The following PIH1D1 variants were observed in gnomAD, a reference collection of about 807,000 sequenced individuals.
The protein encoded by PIH1D1 is PIH1 domain-containing protein 1.
A neutral mutation model predicts 38.5 loss-of-function variants in PIH1D1; 28 were observed. The ratio of observed to expected loss-of-function variants is 0.73; its 90% CI spans 0.54 to 1.00. The LOEUF is 1.00. Among genes scored for constraint, PIH1D1 ranks in the 50% least tolerant of loss-of-function variants. The probability of loss-of-function intolerance (pLI) is 0.00; values close to 1 mark genes in which losing one functional copy is unlikely to be tolerated. For missense variants in PIH1D1, 343 were observed against 369.9 expected, an observed-to-expected ratio of 0.93 and a Z score of 0.60; for synonymous variants, 155 against 153.5, an observed-to-expected ratio of 1.01 and a Z score of -0.07.
chr19:49,448,239 T>A (rs763551878), intron 3 of PIH1D1, 177 bp from the exon 4 acceptor site: 7 of 632,916 alleles, frequency 1.1e-5, no homozygotes, highest in African/African-American at 5.5e-5. Flanking sequence ...GCCTCCTCCC[T>A]GGCCTCTTAT....
chr19:49,446,464 G>T (rs750114523), intron 8 of PIH1D1, 41 bp from the exon 9 acceptor site: 1 of 1,378,336 alleles, frequency 7.3e-7, no homozygotes, highest in Non-Finnish European at 1.0e-6. Flanking sequence ...CCAGGACCCA[G>T]AAGTCCAGCT....
Position 49,448,079 on chromosome 19 carries a change from G to T in PIH1D1, c.338-17C>A, listed in dbSNP as rs369990368. On this transcript the variant is annotated splice_polypyrimidine_tract_variant and intron_variant, in intron 3 of 8. Transcript: ENST00000262265. ...CCTGGCCTTCTGCGGGGAGAAAAAGGGGGTGAGGACCCCCCAGCCCTCTGC... is the reference window on the plus strand; with the variant it reads ...CCTGGCCTTCTGCGGGGAGAAAAAGTGGGTGAGGACCCCCCAGCCCTCTGC... 4 of 1,613,904 alleles carry T rather than the reference G, an allele frequency of 2.5e-6. No homozygotes were observed. Among genetic ancestry groups the T allele is most frequent in the Non-Finnish European group, 3.4e-6 (4 of 1,179,872 alleles).
rs1253481237 is a variant in PIH1D1 at position 49,447,425 on chromosome 19, G to GA, written c.523dup (p.Ser175PhefsTer28). On this transcript the variant is annotated frameshift_variant, in exon 6 of 9. Coordinates refer to ENST00000262265, the MANE Select transcript of PIH1D1 (RefSeq NM_017916.3). LOFTEE classifies it high-confidence loss of function. ...CTGCTCCGAGCGGATGTTCTGCTGC[G>GA]AGATGGAGCCCATGAATGGCCGGTT... 1 of 1,612,494 alleles carries GA rather than the reference G, an allele frequency of 6.2e-7. No individual in the cohort carries two copies. The highest frequency in any genetic ancestry group is 8.5e-7 in the Non-Finnish European group (1 of 1,179,972).
At chr19:49,448,094 C>G in intron 3 of PIH1D1, 32 bp from the exon 4 acceptor site, 7 of 1,605,290 alleles carry the variant, frequency 4.4e-6, no homozygotes, top group Non-Finnish European at 6.0e-6. Context: ...GAGGACCCCC[C>G]AGCCCTCTGC....
intron 4 of PIH1D1, 27 bp from the exon 5 acceptor site, chr19:49,447,935 G>C (rs746564675): frequency 6.2e-7 from 1 of 1,613,830 alleles, no homozygotes; most frequent in African/African-American, 1.3e-5. Context: ...GGAAAAGACA[G>C]GCGGTGGCGG....
intron 1 of PIH1D1, 145 bp from the exon 2 acceptor site, chr19:49,450,993 C>A: frequency 2.0e-4 from 234 of 1,161,910 alleles, no homozygotes; most frequent in Non-Finnish European, 2.5e-4. Context: ...CCTTTGAGAA[C>A]TAGAAGAACA....
At chr19:49,447,763 A>G (rs1380549071) in intron 5 of PIH1D1, 64 bp downstream of exon 5, 2 of 1,508,968 alleles carry the variant, frequency 1.3e-6, no homozygotes. Flanking sequence ...CTCCTCTCCT[A>G]GGGGTGTTCC....
rs1401100855 is a variant in PIH1D1, at chr19:49,450,831, C to T, written c.108G>A (p.Gln36=). ...ELLLQASKEL[Q]QAQTTRPEST... ...ATTCTGGTCTGGTTGTCTGGGCTTG[C>T]TGGAGCTCCTTCGAGGCCTGTATAA... is the stretch of plus-strand genomic sequence containing the variant. Residue 36 remains glutamine (Q), a synonymous_variant, in exon 2 of 9, where the codon CAG becomes CAA. Coordinates refer to ENST00000262265, the MANE Select transcript of PIH1D1 (RefSeq NM_017916.3). 1 of 1,613,410 alleles carries T rather than the reference C, an allele frequency of 6.2e-7. No homozygotes were observed. The highest frequency in any genetic ancestry group is 8.5e-7 in the Non-Finnish European group (1 of 1,179,938).
In PIH1D1 at chr19:49,451,507, C is replaced by A. The variant is rs137934812; in HGVS notation, c.68G>T (p.Arg23Leu). The A allele has an allele frequency of 5.6e-5, 91 of 1,613,744 alleles. No homozygotes were observed. Among genetic ancestry groups the A allele is most frequent in the Non-Finnish European group, 7.5e-5 (88 of 1,179,986 alleles). Reference sequence around the variant, plus strand: ...CACCTGCAGCAGCAGCTCCTCAAATCGCGCCGAATCAGCACCGATCGCCTC... The same window carrying A: ...CACCTGCAGCAGCAGCTCCTCAAATAGCGCCGAATCAGCACCGATCGCCTC... ...EAEAIGADSA[R>L]FEELLLQASK... Residue 23 changes from arginine to leucine, a missense_variant, in exon 1 of 9, where the codon CGA becomes CTA. Coordinates refer to ENST00000262265, the MANE Select transcript of PIH1D1 (RefSeq NM_017916.3).
At chr19:49,451,293 T>C in intron 1 of PIH1D1, 192 bp downstream of exon 1, 1 of 678,072 alleles carries the variant, frequency 1.5e-6, no homozygotes, top group Non-Finnish European at 2.4e-6. Flanking sequence ...CCTCCCAAAG[T>C]GGTGGGATTA....
chr19:49,450,496 G>T (rs774912566), intron 2 of PIH1D1, among the ~76,000 whole-genome samples: 2 of 152,066 alleles, frequency 1.3e-5, no homozygotes, highest in Non-Finnish European at 2.9e-5. Context: ...TCCACCCACT[G>T]CAACTTCTGC....
chr19:49,446,302 G>A lies in PIH1D1; in HGVS notation c.*80C>T. 1 of 780,110 alleles carries A rather than the reference G, an allele frequency of 1.3e-6. No individual in the cohort carries two copies. Among genetic ancestry groups the A allele is most frequent in the Non-Finnish European group, 2.4e-6 (1 of 417,956 alleles). The allele number at this position is 780,110 out of a possible 1,614,324, so 48.3% of individuals were successfully genotyped here. A position where few individuals can be genotyped will look rare whatever the true frequency, so the allele number is the denominator to read the frequency against. ...TATCCCCAGTCAGAGACAGAACAAA[G>A]GCAAAAATCTTTTATTTCAACTTTT... On this transcript the variant is annotated 3_prime_UTR_variant, in exon 9 of 9. Transcript: ENST00000262265.
rs114377754 is a variant in PIH1D1 at position 49,446,484 on chromosome 19, C to T, written c.832-61G>A. On this transcript the variant is annotated intron_variant, in intron 8 of 8. Coordinates refer to ENST00000262265, the MANE Select transcript of PIH1D1 (RefSeq NM_017916.3). ...ACCCAGAAGTCCAGCTCCCAGCCCC[C>T]CTCCCTGGGAGACAGAGTCCAGGCC... is the stretch of plus-strand genomic sequence containing the variant. 5.4e-5 allele frequency: 82 copies of T among 1,524,958 alleles called. No individual in the cohort carries two copies. The African/African-American group carries it at 8.7e-4, about 16-fold the overall frequency. The allele number at this position is 1,524,958 out of a possible 1,614,324, so 94.5% of individuals were successfully genotyped here.
At chr19:49,449,309 G>A (rs1318219352) in intron 3 of PIH1D1, 166 bp downstream of exon 3, 1 of 748,234 alleles carries the variant, frequency 1.3e-6, no homozygotes. Flanking sequence ...GACTGCCCGG[G>A]TGTGGGATGT....
rs749515666 is a variant in PIH1D1, at chr19:49,449,636, T to C, written c.176A>G (p.Asn59Ser). 2 of 1,613,732 alleles carry C rather than the reference T, an allele frequency of 1.2e-6. No homozygotes were observed. The highest frequency in any genetic ancestry group is 1.3e-5 in the African/African-American group (1 of 74,920). Residue 59 changes from asparagine to serine, a missense_variant, in exon 3 of 9, where the codon AAC becomes AGC. Physicochemically the swap from Asn to Ser is conservative, Grantham distance 46. Transcript: ENST00000262265. ...QPQPGFCIKT[N>S]SSEGKVFINI... Reference sequence around the variant, plus strand: ...GATGAAAACCTTCCCTTCCGAGGAGTTGGTCTTTATGCAGAAACCTGGTGG... The same window carrying C: ...GATGAAAACCTTCCCTTCCGAGGAGCTGGTCTTTATGCAGAAACCTGGTGG...
Position 49,447,861 on chromosome 19 carries a change from G to A in PIH1D1, c.447C>T (p.Gly149=). The change falls in exon 5 of 9, where the codon GGC becomes GGT. Residue 149 remains glycine, a synonymous_variant. Coordinates refer to ENST00000262265, the MANE Select transcript of PIH1D1 (RefSeq NM_017916.3). ...RELVITIARE[G]LEDKYNLQLN... ...GCTGCAAGTTGTATTTGTCCTCAAGGCCCTCCCTGGCGATGGTGATCACGA... is the reference window on the plus strand; with the variant it reads ...GCTGCAAGTTGTATTTGTCCTCAAGACCCTCCCTGGCGATGGTGATCACGA... 6.2e-7 allele frequency: 1 copy of A among 1,614,166 alleles called. No individual in the cohort carries two copies. Among genetic ancestry groups the A allele is most frequent in the Non-Finnish European group, 8.5e-7 (1 of 1,180,026 alleles).
chr19:49,448,397 C>A, intron 3 of PIH1D1: 1 of 369,410 alleles, frequency 2.7e-6, no homozygotes, highest in South Asian at 3.1e-5. Flanking sequence ...CCTCCCACCT[C>A]TGGAGAAGAC....
chr19:49,448,220 C>T, intron 3 of PIH1D1, 158 bp from the exon 4 acceptor site: 1 of 685,336 alleles, frequency 1.5e-6, no homozygotes, highest in Non-Finnish European at 2.5e-6. Context: ...GCTCTGGACT[C>T]TCCGCCCAGC....
rs888154359 is a variant in PIH1D1 at position 49,447,899 on chromosome 19, A to C, written c.409T>G (p.Phe137Val). The change falls in exon 5 of 9, where the codon TTC becomes GTC. Residue 137 changes from phenylalanine (F) to valine (V), a missense_variant. Physicochemically the swap from Phe to Val is conservative, Grantham distance 50 (BLOSUM62 -1). Transcript: ENST00000262265. ...DFYRRMQNSDFLRELVITIAR... is the reference protein window; with the variant it reads ...DFYRRMQNSDVLRELVITIAR... ...ATGGTGATCACGAGCTCCCGCAAGA[A>C]ATCGCTGTTCTGGGGTGACAGAGAG... The C allele has an allele frequency of 3.7e-6, 6 of 1,614,060 alleles. No homozygotes were observed. Among genetic ancestry groups the C allele is most frequent in the Non-Finnish European group, 2.5e-6 (3 of 1,179,982 alleles).
Sources: gnomAD v4.1 joint callset for allele counts (sites outside exome capture counted in the v4.1 genomes callset) on GRCh38, gnomAD v4.1.1 for gene constraint, MANE v1.5 for transcripts, NCBI Gene and HGNC (gene_info 2026-07-23, HGNC 2026-07-21) for gene names.